GLIS3: variants seen among roughly 807,000 people sequenced by gnomAD.
GLIS3 encodes GLIS family zinc finger 3, also known as zinc finger protein GLIS3.
Under a neutral mutation model 78.6 loss-of-function variants are expected in GLIS3, and 53 were observed. The observed-to-expected ratio is 0.67, with a 90% CI of 0.54 to 0.85. GLIS3 has a LOEUF of 0.85. Among genes scored for constraint, GLIS3 ranks in the 40% least tolerant of loss-of-function variants. The pLI is 0.00. For missense variants in GLIS3, 1,703 were observed against 1,231.1 expected (o/e 1.38, Z -5.74); for synonymous variants, 684 against 509.9 (o/e 1.34, Z -4.60).
the GLIS3 span, among the ~76,000 whole-genome samples, chr9:4,371,222 G>T: frequency 1.3e-5 from 2 of 152,218 alleles, no homozygotes; most frequent in Non-Finnish European, 2.9e-5. Context: ...TCCATCGGCT[G>T]ATTCAGCGCT....
intron 2 of GLIS3, among the ~76,000 whole-genome samples, chr9:4,140,654 G>A (rs1833741094): frequency 6.6e-6 from 1 of 152,100 alleles, no homozygotes; most frequent in South Asian, 2.1e-4. Flanking sequence ...CCTCTAGACT[G>A]TAATTGTTAA....
At chr9:4,185,323 T>A (rs528322143) in intron 2 of GLIS3, among the ~76,000 whole-genome samples, 1 of 152,246 alleles carries the variant, frequency 6.6e-6, no homozygotes, top group Non-Finnish European at 1.5e-5. Context: ...TTCCATTATA[T>A]GGCTAAACTG....
At chr9:4,300,721 G>T (rs1388425504), upstream of GLIS3, among the ~76,000 whole-genome samples, 1 of 151,698 alleles carries the variant, frequency 6.6e-6, no homozygotes, top group African/African-American at 2.4e-5. Context: ...CCTAAGCTCT[G>T]ACTCGCCACC....
intron 4 of GLIS3, chr9:4,070,992 C>G (rs1179352066): frequency 6.6e-6 from 1 of 152,162 alleles, no homozygotes; most frequent in Non-Finnish European, 1.5e-5. Flanking sequence ...TTTTTCCTTT[C>G]ACCACTGAAG....
chr9:4,040,806 G>A (rs145035543), intron 4 of GLIS3, among the ~76,000 whole-genome samples: 3 of 152,164 alleles, frequency 2.0e-5, no homozygotes, highest in Non-Finnish European at 4.4e-5. Flanking sequence ...GCTGTCAACT[G>A]GGTCAACTGG....
rs1416937193 is a variant in GLIS3 at position 3,906,945 on chromosome 9, C to T, written c.1984-8110G>A. Among the ~76,000 whole-genome samples, 3 of 152,188 alleles carry T rather than the reference C, an allele frequency of 2.0e-5. No homozygotes were observed. The South Asian group carries it at 6.2e-4, about 32-fold the overall frequency. On this transcript the variant is annotated intron_variant, in intron 6 of 10. Coordinates refer to ENST00000381971, the MANE Select transcript of GLIS3 (RefSeq NM_001042413.2). The stretch of plus-strand genomic sequence containing the variant: ...CTTCCTGCCCGGAACGGACTCCCTC[C>T]TCCTAATGTAACTCCTCCAAGATCC...
intron 2 of GLIS3, among the ~76,000 whole-genome samples, chr9:4,236,099 C>T (rs999479944): frequency 4.2e-5 from 6 of 142,510 alleles, no homozygotes; most frequent in African/African-American, 7.6e-5. Context: ...ATGATCCTTG[C>T]CGACCAAGTT....
At chr9:4,364,656 AAAGAT>A in the GLIS3 span, among the ~76,000 whole-genome samples, 1 of 151,112 alleles carries the variant, frequency 6.6e-6, no homozygotes, top group Non-Finnish European at 1.5e-5. Context: ...ATTATTTTCT[AAAGAT>A]GAGATAATGC....
chr9:4,187,823 T>C (rs1817950578), intron 2 of GLIS3, among the ~76,000 whole-genome samples: 2 of 152,258 alleles, frequency 1.3e-5, no homozygotes, highest in South Asian at 4.1e-4. Context: ...ATAAGAATGC[T>C]TGTGATTTTT....
the GLIS3 span, among the ~76,000 whole-genome samples, chr9:4,397,057 G>A: frequency 4.0e-5 from 5 of 124,156 alleles, no homozygotes; most frequent in African/African-American, 1.3e-4. Flanking sequence ...AAAGAGTCTC[G>A]CTCTGTCTCC....
At chr9:4,411,921 G>A in the GLIS3 span, among the ~76,000 whole-genome samples, 15 of 152,164 alleles carry the variant, frequency 9.9e-5, no homozygotes, top group Non-Finnish European at 4.4e-5. Context: ...GCTCATGTAT[G>A]GTCCTAACTA....
Position 3,833,877 on chromosome 9 carries a change from TTCC to T in GLIS3, c.2474-4388_2474-4386del, listed in dbSNP as rs761625594. 3.3e-5 allele frequency among the ~76,000 whole-genome samples: 5 copies of T among 152,212 alleles called. 1 individual carries two copies. Among genetic ancestry groups the T allele is most frequent in the Admixed American group, 3.3e-4 (5 of 15,276 alleles). On this transcript the variant is annotated intron_variant, in intron 9 of 10. Transcript: ENST00000381971. Reference sequence around the variant, plus strand: ...AGTTCCCAAAGGTCAAGGAGAATCATTCCTCCTTCTCTCAGTTTTGGGAAGTTT... The same window carrying T: ...AGTTCCCAAAGGTCAAGGAGAATCATTCCTTCTCTCAGTTTTGGGAAGTTT...
intron 4 of GLIS3, among the ~76,000 whole-genome samples, chr9:4,014,062 C>T (rs571785220): frequency 6.6e-6 from 1 of 152,168 alleles, no homozygotes; most frequent in Non-Finnish European, 1.5e-5. Flanking sequence ...GAAGAGGCTT[C>T]ACATGTGGCC....
Position 4,118,625 on chromosome 9 carries a change from T to C in GLIS3, c.853A>G (p.Ser285Gly). 1 of 1,614,126 alleles carries C rather than the reference T, an allele frequency of 6.2e-7. No individual in the cohort carries two copies. Among genetic ancestry groups the C allele is most frequent in the Non-Finnish European group, 8.5e-7 (1 of 1,180,010 alleles). Reference protein sequence around the residue: ...GTESSHSPYPSPRHSSTRSHS... With the variant: ...GTESSHSPYPGPRHSSTRSHS... ...GACCTGGTGGATGAGTGCCGAGGAC[T>C]AGGGTAAGGAGAGTGGCTACTTTCC... is the stretch of plus-strand genomic sequence containing the variant. Residue 285 changes from serine to glycine, a missense_variant, in exon 4 of 11, where the codon AGT (serine) becomes GGT (glycine). Transcript: ENST00000381971. This position sits in a 1 kb window ranked among gnomAD's most constrained non-coding sequence, Gnocchi z 4.7.
intron 2 of GLIS3, among the ~76,000 whole-genome samples, chr9:4,334,030 C>A (rs909457483): frequency 6.6e-6 from 1 of 152,094 alleles, no homozygotes; most frequent in African/African-American, 2.4e-5. Flanking sequence ...ACAAAAGTGA[C>A]CTCTTCATGA....
chr9:3,912,968 T>C (rs2130691586), intron 6 of GLIS3, among the ~76,000 whole-genome samples: 1 of 152,318 alleles, frequency 6.6e-6, no homozygotes, highest in African/African-American at 2.4e-5. Context: ...TTCCATCCCA[T>C]CCATTCAAGT....
chr9:4,310,814 G>A (rs140328925), intron 2 of GLIS3, among the ~76,000 whole-genome samples: 2 of 152,272 alleles, frequency 1.3e-5, no homozygotes, highest in Non-Finnish European at 2.9e-5. Flanking sequence ...TTTCCACTCT[G>A]CCCACATCCT....
chr9:4,245,682 G>A (rs987750920), intron 2 of GLIS3, among the ~76,000 whole-genome samples: 2 of 152,178 alleles, frequency 1.3e-5, no homozygotes, highest in Non-Finnish European at 2.9e-5. Flanking sequence ...TTCAATGTTT[G>A]AGGTGATGGA....
intron 2 of GLIS3, among the ~76,000 whole-genome samples, chr9:4,183,360 C>G (rs1383406800): frequency 3.9e-5 from 6 of 152,164 alleles, no homozygotes; most frequent in Non-Finnish European, 1.5e-5. Flanking sequence ...ATTCCTATAC[C>G]CAGATGTCTC....
Sources: allele counts gnomAD v4.1 joint callset (sites outside exome capture counted in the v4.1 genomes callset), GRCh38; gene constraint gnomAD v4.1.1; non-coding constraint Gnocchi (gnomAD v3.1); transcripts MANE v1.5; gene names NCBI Gene and HGNC (gene_info 2026-07-23, HGNC 2026-07-21).